CNTN6: variants seen among roughly 807,000 people sequenced by gnomAD.
CNTN6 encodes contactin 6.
Under a neutral mutation model 122.8 loss-of-function variants are expected in CNTN6, and 137 were observed. That is an observed-to-expected ratio of 1.12 (90% CI 0.97 to 1.29). CNTN6 has a LOEUF of 1.29. Ranked by LOEUF, CNTN6 falls within the 50% of genes most tolerant of loss-of-function variation. CNTN6 has a pLI of 0.00. For synonymous variants in CNTN6, 570 were observed against 426.0 expected, an observed-to-expected ratio of 1.34 and a Z score of -4.16; for missense variants, 1,634 against 1,223.4, an observed-to-expected ratio of 1.34 and a Z score of -5.01.
chr3:1,251,290 A>C (rs187825106), intron 4 of CNTN6, among the ~76,000 whole-genome samples: 2 of 152,126 alleles, frequency 1.3e-5, no homozygotes, highest in Non-Finnish European at 1.5e-5. Flanking sequence ...CTGATTTTCA[A>C]CCTTCCCAAA....
At chr3:1,387,508 A>G (rs1270148243) in intron 20 of CNTN6, among the ~76,000 whole-genome samples, 1 of 152,204 alleles carries the variant, frequency 6.6e-6, no homozygotes, top group Non-Finnish European at 1.5e-5. Flanking sequence ...TTACCTAGAC[A>G]TTTAGTTCTA....
At chr3:1,158,769 CA>C (rs2093035391) in intron 2 of CNTN6, among the ~76,000 whole-genome samples, 2 of 73,238 alleles carry the variant, frequency 2.7e-5, no homozygotes, top group African/African-American at 4.0e-5. Context: ...TATATACACA[CA>C]TATATATGTG....
intron 2 of CNTN6, among the ~76,000 whole-genome samples, chr3:1,215,792 G>T (rs1432003456): frequency 2.0e-5 from 3 of 151,962 alleles, no homozygotes; most frequent in Admixed American, 1.3e-4. Flanking sequence ...TTACTTAATG[G>T]GGAAATATAT....
At chr3:1,243,289 A>T (rs1456950262) in intron 4 of CNTN6, among the ~76,000 whole-genome samples, 3 of 152,118 alleles carry the variant, frequency 2.0e-5, no homozygotes, top group Non-Finnish European at 4.4e-5. Context: ...CTGGGGAAGG[A>T]GGTTCTGGGG....
chr3:1,213,526 T>C (rs114077261), intron 2 of CNTN6, among the ~76,000 whole-genome samples: 2,511 of 152,000 alleles, frequency 0.017, 80 homozygotes, highest in African/African-American at 0.057. Context: ...ATTCAAACTA[T>C]GAAATATTAT....
intron 4 of CNTN6, among the ~76,000 whole-genome samples, chr3:1,270,783 G>C (rs953703129): frequency 2.6e-5 from 4 of 152,220 alleles, no homozygotes; most frequent in African/African-American, 9.6e-5. Flanking sequence ...TCTGAGGTGT[G>C]AAAAGAGAGA....
rs1166507455 is a variant in CNTN6, at chr3:1,233,734, CAAAAAAA to C, written c.358+5759_358+5765del. Among the ~76,000 whole-genome samples, 318 of 52,160 alleles carry C rather than the reference CAAAAAAA, an allele frequency of 6.1e-3. 2 individuals are homozygous for C. The highest frequency in any genetic ancestry group is 0.025 in the African/African-American group (292 of 11,596). The allele number at this position is 52,160 out of a possible 152,430, so 34.2% of individuals were successfully genotyped here. On this transcript the variant is annotated intron_variant, in intron 4 of 22. Coordinates refer to ENST00000446702, the MANE Select transcript of CNTN6 (RefSeq NM_001289080.2). ...TGGGCAACAGAACGAGACTCTGTCT[CAAAAAAA>C]AAAAAAAAAAAAAAAAAGTAGTTTG...
intron 20 of CNTN6, among the ~76,000 whole-genome samples, chr3:1,391,290 C>A (rs1460939762): frequency 2.5e-5 from 3 of 121,512 alleles, no homozygotes; most frequent in African/African-American, 1.1e-4. Context: ...ATAAACAGAG[C>A]CAAAGACAAA....
At chr3:1,095,201 G>A (rs563598845) in intron 1 of CNTN6, among the ~76,000 whole-genome samples, 6 of 152,098 alleles carry the variant, frequency 3.9e-5, no homozygotes, top group African/African-American at 1.4e-4. Context: ...GGCCGCGCGC[G>A]GTGGTTCACA....
At chr3:1,250,987 C>T (rs1227749341) in intron 4 of CNTN6, among the ~76,000 whole-genome samples, 1 of 152,112 alleles carries the variant, frequency 6.6e-6, no homozygotes, top group Non-Finnish European at 1.5e-5. Flanking sequence ...CCGCACTACT[C>T]ATAACTTCTC....
At chr3:1,262,516 C>T (rs2094862261) in intron 4 of CNTN6, among the ~76,000 whole-genome samples, 1 of 152,080 alleles carries the variant, frequency 6.6e-6, no homozygotes, top group African/African-American at 2.4e-5. Flanking sequence ...TTTTTAACTC[C>T]ACCCCCGCTT....
intron 20 of CNTN6, among the ~76,000 whole-genome samples, chr3:1,389,323 G>A (rs1173502753): frequency 1.3e-5 from 2 of 152,024 alleles, no homozygotes; most frequent in Non-Finnish European, 1.5e-5. Flanking sequence ...AGCTTCATAA[G>A]TGAAGGAGAA....
chr3:1,181,233 G>A (rs565320085), intron 2 of CNTN6, among the ~76,000 whole-genome samples: 1 of 152,166 alleles, frequency 6.6e-6, no homozygotes, highest in South Asian at 2.1e-4. Context: ...AAGGTGACCT[G>A]ATTTTCTCTA....
At chr3:1,310,712 A>G (rs2125923033) in intron 7 of CNTN6, among the ~76,000 whole-genome samples, 1 of 152,272 alleles carries the variant, frequency 6.6e-6, no homozygotes, top group South Asian at 2.1e-4. Flanking sequence ...ACATCAAGAA[A>G]AAATAGAGGC....
rs139988535 is a variant in CNTN6, at chr3:1,219,065, C to T, written c.56-1622C>T. Among the ~76,000 whole-genome samples, 136 of 152,226 alleles carry T rather than the reference C, an allele frequency of 8.9e-4. 1 individual carries two copies. The highest frequency in any genetic ancestry group is 3.2e-3 in the African/African-American group (133 of 41,544). On this transcript the variant is annotated intron_variant, in intron 2 of 22. Coordinates refer to ENST00000446702, the MANE Select transcript of CNTN6 (RefSeq NM_001289080.2). ...TAACTCATTTACCAAAATAAGAAAC[C>T]TTGGATTCACACCGATAAAACAGAT...
chr3:1,159,824 C>T lies in CNTN6; in HGVS notation c.55+11761C>T, dbSNP rs75933602. 2.8e-4 allele frequency among the ~76,000 whole-genome samples: 29 copies of T among 104,176 alleles called. No homozygotes were observed. The South Asian group carries it at 6.5e-3, about 23-fold the overall frequency. 68.3% of individuals were successfully genotyped at this position (104,176 alleles called of 152,430 possible). On this transcript the variant is annotated intron_variant, in intron 2 of 22. Coordinates refer to ENST00000446702, the MANE Select transcript of CNTN6 (RefSeq NM_001289080.2). ...TCAATGTAATCATTCGTTTGTTTTT[C>T]TTTTTCCCCCCCTCAAGACAAAGTC...
intron 12 of CNTN6, among the ~76,000 whole-genome samples, chr3:1,369,163 C>T (rs1708636912): frequency 6.6e-6 from 1 of 152,304 alleles, no homozygotes; most frequent in South Asian, 2.1e-4. Context: ...TTACCCAGCT[C>T]ACTACTACTT....
chr3:1,242,441 G>C (rs2094498588), intron 4 of CNTN6, among the ~76,000 whole-genome samples: 1 of 152,136 alleles, frequency 6.6e-6, no homozygotes, highest in African/African-American at 2.4e-5. Context: ...TTTTTGGACA[G>C]GTAAAATGGG....
chr3:1,295,962 A>C (rs1250096663), intron 6 of CNTN6, among the ~76,000 whole-genome samples, 158 bp downstream of exon 6: 1 of 152,224 alleles, frequency 6.6e-6, no homozygotes, highest in Non-Finnish European at 1.5e-5. Flanking sequence ...ACAGAAAATT[A>C]TCTAATTCAC....
Sources: allele counts gnomAD v4.1 joint callset (sites outside exome capture counted in the v4.1 genomes callset), GRCh38; gene constraint gnomAD v4.1.1; transcripts MANE v1.5; gene names NCBI Gene and HGNC (gene_info 2026-07-23, HGNC 2026-07-21).